Variants in LUZP1 observed in about 807,000 individuals in gnomAD.
LUZP1 encodes the protein leucine zipper protein 1, also known as filamin mechanobinding actin cross-linking protein.
In LUZP1, 25 loss-of-function variants were observed where a neutral mutation model predicts 71.3. The ratio of observed to expected loss-of-function variants is 0.35; its 90% CI spans 0.26 to 0.49. The LOEUF is 0.49. Among genes scored for constraint, LUZP1 ranks in the 20% least tolerant of loss-of-function variants. The probability of loss-of-function intolerance (pLI) is 0.99; values close to 1 mark genes in which losing one functional copy is unlikely to be tolerated. For synonymous variants in LUZP1, 481 were observed against 506.4 expected (o/e 0.95, Z 0.67); for missense variants, 1,142 against 1,300.8 (o/e 0.88, Z 1.88).
chr1:23,107,892 C>T, intron 3 of LUZP1, among the ~76,000 whole-genome samples: 1 of 152,348 alleles, frequency 6.6e-6, no homozygotes, highest in East Asian at 1.9e-4. Flanking sequence ...TCCCTAACTA[C>T]ACCTATTTCC....
chr1:23,084,097 A>C (rs376444667), exon 5 of LUZP1: 6 of 152,176 alleles, frequency 3.9e-5, no homozygotes, highest in Admixed American at 2.6e-4. Flanking sequence ...TCCCAATTCT[A>C]CTAAAGGTGG....
chr1:23,175,621 C>T (rs1341282590), intron 1 of LUZP1, among the ~76,000 whole-genome samples: 1 of 152,170 alleles, frequency 6.6e-6, no homozygotes, highest in Non-Finnish European at 1.5e-5. Flanking sequence ...CAGTGTCTGG[C>T]CTGCATCCCT....
intron 2 of LUZP1, among the ~76,000 whole-genome samples, chr1:23,131,929 A>C (rs1161806419): frequency 3.9e-5 from 6 of 152,054 alleles, no homozygotes; most frequent in Non-Finnish European, 7.4e-5. Context: ...CAGGTGATTC[A>C]CCTACCTCGG....
At chr1:23,110,961 C>T (rs992986536) in intron 2 of LUZP1, among the ~76,000 whole-genome samples, 3 of 151,030 alleles carry the variant, frequency 2.0e-5, no homozygotes, top group African/African-American at 4.9e-5. Context: ...GCACTTTGGG[C>T]GGCCAAGGCG....
intron 3 of LUZP1, among the ~76,000 whole-genome samples, chr1:23,096,612 G>T (rs1200063457): frequency 6.6e-6 from 1 of 151,974 alleles, no homozygotes. Flanking sequence ...AAAGAAAAAA[G>T]AAAAAAAGAC....
intron 2 of LUZP1, among the ~76,000 whole-genome samples, chr1:23,113,405 T>TCAAAA (rs956996042): frequency 2.6e-5 from 4 of 151,340 alleles, no homozygotes; most frequent in Non-Finnish European, 5.9e-5. Context: ...AAACCCTGTC[T>TCAAAA]CAAAACAAAA....
intron 2 of LUZP1, among the ~76,000 whole-genome samples, chr1:23,158,822 C>T (rs146089470): frequency 0.02 from 3,080 of 151,264 alleles, 45 homozygotes; most frequent in Non-Finnish European, 0.031. Context: ...CAAAAATTCA[C>T]CAGCTGTGGT....
chr1:23,093,381 T>G lies in LUZP1; in HGVS notation c.881A>C (p.Glu294Ala). Residue 294 changes from glutamate to alanine, a missense_variant, in exon 4 of 5, where the codon GAG becomes GCG. By Grantham distance (107) the Glu-to-Ala change is moderately radical. Coordinates refer to ENST00000302291, the Ensembl canonical transcript of LUZP1. The surrounding 1 kb of genome is among the most constrained non-coding windows in gnomAD (Gnocchi z 4.2). ...GATTTGTGTCTTAAGTTTCTCAATC[T>G]CTTGGTTAAGGTCTTTGACTTTGTT... The G allele has an allele frequency of 7.4e-6, 12 of 1,613,680 alleles. No homozygotes were observed. Among genetic ancestry groups the G allele is most frequent in the Non-Finnish European group, 1.0e-5 (12 of 1,179,920 alleles).
chr1:23,122,448 C>G (rs1644137972), intron 2 of LUZP1, among the ~76,000 whole-genome samples: 1 of 152,162 alleles, frequency 6.6e-6, no homozygotes, highest in Non-Finnish European at 1.5e-5. Context: ...CTGCTCAGAC[C>G]AGCAGCATGC....
At chr1:23,095,130 A>C (rs1643885617) in intron 3 of LUZP1, among the ~76,000 whole-genome samples, 1 of 152,226 alleles carries the variant, frequency 6.6e-6, no homozygotes, top group African/African-American at 2.4e-5. Flanking sequence ...AAGCCATTTC[A>C]CTGGGGATAT....
At chr1:23,143,326 A>C (rs1644319745) in intron 2 of LUZP1, among the ~76,000 whole-genome samples, 1 of 152,034 alleles carries the variant, frequency 6.6e-6, no homozygotes, top group Admixed American at 6.6e-5. Context: ...ATTTAAGCTG[A>C]CTCTTTTAAA....
rs572973598 is a variant in LUZP1, at chr1:23,157,306, T to C, written c.-226+11460A>G. 4.6e-5 allele frequency among the ~76,000 whole-genome samples: 7 copies of C among 152,286 alleles called. No individual in the cohort carries two copies. In the South Asian group the frequency reaches 1.5e-3, roughly 32 times the overall value. On this transcript the variant is annotated intron_variant, in intron 2 of 4. Coordinates refer to ENST00000302291, the Ensembl canonical transcript of LUZP1. ...GTGATCATGCCACTGGAGTCCAGCCTGGGTAACAGAGTGAGACCCTGTCTC... is the reference window on the plus strand; with the variant it reads ...GTGATCATGCCACTGGAGTCCAGCCCGGGTAACAGAGTGAGACCCTGTCTC...
intron 2 of LUZP1, among the ~76,000 whole-genome samples, chr1:23,120,750 CA>C (rs1644123640): frequency 6.6e-6 from 1 of 152,144 alleles, no homozygotes; most frequent in South Asian, 2.1e-4. Flanking sequence ...AGGATATTAT[CA>C]AATTCATTTT....
At chr1:23,100,866 C>T (rs1308867670) in intron 3 of LUZP1, among the ~76,000 whole-genome samples, 2 of 152,168 alleles carry the variant, frequency 1.3e-5, no homozygotes, top group Non-Finnish European at 2.9e-5. Context: ...TTACTTCATT[C>T]AAACCCCTTA....
intron 2 of LUZP1, among the ~76,000 whole-genome samples, chr1:23,119,314 A>G (rs895842101): frequency 7.5e-5 from 10 of 134,024 alleles, no homozygotes; most frequent in Non-Finnish European, 1.4e-4. Flanking sequence ...GCTACGGTGA[A>G]GTGGCACAAT....
exon 4 of LUZP1, chr1:23,091,695 G>T: frequency 1.9e-6 from 3 of 1,614,082 alleles, no homozygotes; most frequent in Non-Finnish European, 2.5e-6. Flanking sequence ...CTCCGCTTCT[G>T]CAAGCTGCAG....
intron 3 of LUZP1, among the ~76,000 whole-genome samples, chr1:23,100,960 G>A (rs1643927359): frequency 6.6e-6 from 1 of 152,198 alleles, no homozygotes. Context: ...TCAGTCTCCT[G>A]ACTCTATGTT....
chr1:23,090,000 C>T (rs186402223), intron 4 of LUZP1, among the ~76,000 whole-genome samples: 1 of 152,238 alleles, frequency 6.6e-6, no homozygotes, highest in Admixed American at 6.5e-5. Context: ...CCTTGTGATC[C>T]GCCTGCCTTG....
intron 2 of LUZP1, among the ~76,000 whole-genome samples, chr1:23,148,048 A>G (rs1380239144): frequency 6.6e-6 from 1 of 152,250 alleles, no homozygotes; most frequent in Non-Finnish European, 1.5e-5. Flanking sequence ...GTCACTCTGT[A>G]TGGCTTTTCA....
Sources: allele counts gnomAD v4.1 joint callset (sites outside exome capture counted in the v4.1 genomes callset), GRCh38; gene constraint gnomAD v4.1.1; non-coding constraint Gnocchi (gnomAD v3.1); transcripts MANE v1.5; gene names NCBI Gene and HGNC (gene_info 2026-07-23, HGNC 2026-07-21).